GALNT17: variants seen among roughly 807,000 people sequenced by gnomAD.
The protein encoded by GALNT17 is polypeptide N-acetylgalactosaminyltransferase 17.
GALNT17 carries 29 observed loss-of-function variants against 63.7 expected under a neutral mutation model. The observed-to-expected ratio is 0.46, with a 90% CI of 0.34 to 0.62. The LOEUF is 0.62. Among genes scored for constraint, GALNT17 ranks in the 20% least tolerant of loss-of-function variants. The pLI is 0.01. For missense variants in GALNT17, 603 were observed against 799.6 expected (o/e 0.75, Z 2.97); for synonymous variants, 305 against 318.3 (o/e 0.96, Z 0.45).
intron 6 of GALNT17, among the ~76,000 whole-genome samples, chr7:71,644,690 G>A (rs1469322123): frequency 6.6e-6 from 1 of 152,088 alleles, no homozygotes; most frequent in Non-Finnish European, 1.5e-5. Context: ...GTTCAAGGCT[G>A]CAGTGAGCTA....
chr7:71,683,493 CTA>C (rs1791301545), intron 9 of GALNT17, among the ~76,000 whole-genome samples: 1 of 152,124 alleles, frequency 6.6e-6, no homozygotes, highest in African/African-American at 2.4e-5. Flanking sequence ...TTAATGGACT[CTA>C]TGTTGTAATT....
intron 6 of GALNT17, among the ~76,000 whole-genome samples, chr7:71,647,290 A>G (rs1584111007): frequency 6.7e-6 from 1 of 149,724 alleles, no homozygotes; most frequent in African/African-American, 2.5e-5. Context: ...GCTGGTCTCA[A>G]ACTCCTGACT....
intron 1 of GALNT17, among the ~76,000 whole-genome samples, chr7:71,295,348 A>C (rs1791058411): frequency 6.6e-6 from 1 of 152,078 alleles, no homozygotes; most frequent in Non-Finnish European, 1.5e-5. Flanking sequence ...GAGGACCCTC[A>C]GCTTGCCTCT....
intron 5 of GALNT17, among the ~76,000 whole-genome samples, chr7:71,506,877 A>G (rs1221568388): frequency 6.6e-6 from 1 of 152,248 alleles, no homozygotes; most frequent in Non-Finnish European, 1.5e-5. Flanking sequence ...ATTGAAAGTA[A>G]TGGCAAAACC....
chr7:71,314,410 G>T (rs973823031), intron 1 of GALNT17, among the ~76,000 whole-genome samples: 1 of 152,170 alleles, frequency 6.6e-6, no homozygotes, highest in African/African-American at 2.4e-5. Context: ...GAGAGAAAGA[G>T]AGGGTGTTAG....
At chr7:71,269,546 G>C (rs1790548938) in intron 1 of GALNT17, among the ~76,000 whole-genome samples, 1 of 152,166 alleles carries the variant, frequency 6.6e-6, no homozygotes, top group Non-Finnish European at 1.5e-5. Context: ...GGAGGCAGTA[G>C]AAGGAGTAGG....
At chr7:71,185,528 T>TC (rs1788833911) in intron 1 of GALNT17, among the ~76,000 whole-genome samples, 1 of 147,398 alleles carries the variant, frequency 6.8e-6, no homozygotes, top group African/African-American at 2.5e-5. Flanking sequence ...TTTTCTTTTT[T>TC]TTTTTTTTTT....
intron 3 of GALNT17, 96 bp downstream of exon 3, chr7:71,388,497 T>G: frequency 7.1e-7 from 1 of 1,411,340 alleles, no homozygotes; most frequent in Non-Finnish European, 9.7e-7. Flanking sequence ...TGTCTCCTGG[T>G]CCCTGGAGCA....
chr7:71,653,072 G>A (rs1790777626), intron 6 of GALNT17, among the ~76,000 whole-genome samples: 1 of 152,152 alleles, frequency 6.6e-6, no homozygotes, highest in African/African-American at 2.4e-5. Context: ...CTGGAGTGCA[G>A]TGGCACAATC....
intron 5 of GALNT17, among the ~76,000 whole-genome samples, chr7:71,439,003 G>A (rs1787017882): frequency 6.6e-6 from 1 of 151,416 alleles, no homozygotes; most frequent in Non-Finnish European, 1.5e-5. Context: ...TCCCACCTCA[G>A]CCTCCCATGT....
chr7:71,658,607 G>T (rs1179627088), intron 6 of GALNT17, among the ~76,000 whole-genome samples: 2 of 152,046 alleles, frequency 1.3e-5, no homozygotes, highest in African/African-American at 4.8e-5. Flanking sequence ...AAATCCCTCG[G>T]CCAGGTGCGG....
At chr7:71,360,147 C>G (rs998109713) in intron 2 of GALNT17, among the ~76,000 whole-genome samples, 1 of 152,204 alleles carries the variant, frequency 6.6e-6, no homozygotes, top group South Asian at 2.1e-4. Flanking sequence ...TATCAACAAT[C>G]TCACATGATC....
intron 5 of GALNT17, among the ~76,000 whole-genome samples, chr7:71,430,273 G>A (rs1265247667): frequency 1.3e-5 from 2 of 152,178 alleles, no homozygotes; most frequent in African/African-American, 4.8e-5. Flanking sequence ...TAAGAATGAA[G>A]GATACCATTT....
intron 1 of GALNT17, among the ~76,000 whole-genome samples, chr7:71,263,017 A>G (rs933334334): frequency 1.3e-5 from 2 of 152,092 alleles, no homozygotes; most frequent in Admixed American, 6.6e-5. Flanking sequence ...ATTTGGACAC[A>G]CATGTGTGCA....
At chr7:71,198,432 C>A (rs1197146156) in intron 1 of GALNT17, among the ~76,000 whole-genome samples, 1 of 152,166 alleles carries the variant, frequency 6.6e-6, no homozygotes, top group East Asian at 1.9e-4. Flanking sequence ...ATGTTCCATG[C>A]TCTTTGCTGA....
chr7:71,228,817 T>C (rs936159753), intron 1 of GALNT17, among the ~76,000 whole-genome samples: 1 of 152,216 alleles, frequency 6.6e-6, no homozygotes, highest in Non-Finnish European at 1.5e-5. Context: ...CTTGATCACA[T>C]TTGCAGAGAC....
Position 71,606,842 on chromosome 7 carries a change from A to C in GALNT17, c.1080+35440A>C, listed in dbSNP as rs553814520. ...CTGGATCACAGTTCTCTACAACTGG[A>C]TGAGATACACTGATATATTCAAGAA... On this transcript the variant is annotated intron_variant, in intron 6 of 10. Coordinates refer to ENST00000333538, the MANE Select transcript of GALNT17 (RefSeq NM_022479.3). 2.0e-5 allele frequency among the ~76,000 whole-genome samples: 3 copies of C among 152,326 alleles called. 1 individual carries two copies. The South Asian group carries it at 6.2e-4, about 32-fold the overall frequency.
chr7:71,701,881 G>GTA lies in GALNT17; in HGVS notation c.1501-8867_1501-8866dup, dbSNP rs1209538660. Among the ~76,000 whole-genome samples the GTA allele has an allele frequency of 6.5e-3, 587 of 90,032 alleles. 7 individuals are homozygous for GTA. Among genetic ancestry groups the GTA allele is most frequent in the East Asian group, 0.019 (69 of 3,710 alleles). The allele number at this position is 90,032 out of a possible 152,430, so 59.1% of individuals were successfully genotyped here. A position where few individuals can be genotyped will look rare whatever the true frequency, so the allele number is the denominator to read the frequency against. On this transcript the variant is annotated intron_variant, in intron 9 of 10. Transcript: ENST00000333538. ...CACATATATATATACATATATATAT[G>GTA]TATATATATATATACACATATATAT...
At chr7:71,199,872 G>A (rs1404424892) in intron 1 of GALNT17, among the ~76,000 whole-genome samples, 1 of 152,146 alleles carries the variant, frequency 6.6e-6, no homozygotes, top group Non-Finnish European at 1.5e-5. Flanking sequence ...ATAAGACCAT[G>A]TCGCCATCCT....
Sources: gnomAD v4.1 joint callset for allele counts (sites outside exome capture counted in the v4.1 genomes callset) on GRCh38, gnomAD v4.1.1 for gene constraint, MANE v1.5 for transcripts, NCBI Gene and HGNC (gene_info 2026-07-23, HGNC 2026-07-21) for gene names.